Variants in TES observed in about 807,000 individuals in gnomAD.
TES encodes the protein testin.
Under a neutral mutation model 48.2 loss-of-function variants are expected in TES, and 41 were observed. The observed-to-expected ratio is 0.85, with a 90% CI of 0.66 to 1.10. The LOEUF is 1.10. Among genes scored for constraint, TES ranks in the 50% least tolerant of loss-of-function variants. The probability of loss-of-function intolerance (pLI) is 0.00; values close to 1 mark genes in which losing one functional copy is unlikely to be tolerated. For synonymous variants in TES, 162 were observed against 174.9 expected (o/e 0.93, Z 0.58); for missense variants, 463 against 515.1 (o/e 0.90, Z 0.98).
intron 1 of TES, among the ~76,000 whole-genome samples, chr7:116,229,669 T>C (rs1799672853): frequency 6.6e-6 from 1 of 152,172 alleles, no homozygotes; most frequent in African/African-American, 2.4e-5. Context: ...TGCATTTGAC[T>C]TATGAAGGGG....
intron 2 of TES, 70 bp downstream of exon 2, chr7:116,234,689 A>G (rs765029014): frequency 3.1e-6 from 4 of 1,300,198 alleles, no homozygotes; most frequent in Middle Eastern, 1.8e-4. Flanking sequence ...GACAGTGGAG[A>G]TATCTTCGAG....
intron 1 of TES, among the ~76,000 whole-genome samples, chr7:116,231,216 A>G (rs1799695910): frequency 6.6e-6 from 1 of 152,194 alleles, no homozygotes; most frequent in South Asian, 2.1e-4. Context: ...CTCTTACATG[A>G]GGGAGATGCC....
intron 1 of TES, among the ~76,000 whole-genome samples, chr7:116,232,464 T>C (rs910012603): frequency 3.9e-5 from 6 of 152,206 alleles, no homozygotes; most frequent in African/African-American, 1.4e-4. Context: ...TAGCAGGAGA[T>C]GCATGAACAT....
intron 1 of TES, among the ~76,000 whole-genome samples, chr7:116,230,145 T>C (rs1799678880): frequency 6.6e-6 from 1 of 152,182 alleles, no homozygotes; most frequent in Non-Finnish European, 1.5e-5. Flanking sequence ...GTGTTTGGTG[T>C]GTGTGTTTGT....
intron 1 of TES, among the ~76,000 whole-genome samples, chr7:116,220,021 C>A (rs1026844326): frequency 3.9e-5 from 6 of 151,980 alleles, no homozygotes; most frequent in Non-Finnish European, 5.9e-5. Context: ...ATGTGACTTC[C>A]GTGTTAAACG....
chr7:116,254,756 ATATGTGTGTG>A (rs1402967269), intron 6 of TES, among the ~76,000 whole-genome samples: 4,477 of 143,272 alleles, frequency 0.031, 232 homozygotes, highest in African/African-American at 0.11. Flanking sequence ...AAATATATAT[ATATGTGTGTG>A]TGTGTGTGTG....
intron 3 of TES, chr7:116,249,887 T>G: frequency 3.4e-6 from 1 of 291,426 alleles, no homozygotes. Context: ...CAATTGTACA[T>G]TTGTTTATTT....
At chr7:116,222,937 A>C in intron 1 of TES, 1 of 982,974 alleles carries the variant, frequency 1.0e-6, no homozygotes, top group Non-Finnish European at 1.2e-6. Flanking sequence ...TAATTGTGAC[A>C]TTTTTATAGC....
rs1289236949 is a variant in TES, at chr7:116,249,150, G to A, written c.244G>A (p.Asp82Asn). The A allele has an allele frequency of 6.2e-7, 1 of 1,614,076 alleles. No individual in the cohort carries two copies. Among genetic ancestry groups the A allele is most frequent in the Non-Finnish European group, 8.5e-7 (1 of 1,179,984 alleles). ...YTTLIAKLKS[D>N]GIPMYKRNVM... ...CACTCTGATTGCAAAACTAAAGTCA[G>A]ATGGAATTCCCATGTATAAACGCAA... The change falls in exon 3 of 7, where the codon GAT (aspartate) becomes AAT (asparagine). Residue 82 changes from aspartate to asparagine, a missense_variant. Asp to Asn is a conservative substitution (Grantham distance 23). Coordinates refer to ENST00000358204, the MANE Select transcript of TES (RefSeq NM_015641.4).
chr7:116,229,589 T>C (rs3807972), intron 1 of TES, among the ~76,000 whole-genome samples: 6,694 of 152,228 alleles, frequency 0.044, 223 homozygotes, highest in East Asian at 0.14. Context: ...GAAACTGTAC[T>C]TGGGGCAGTT....
At chr7:116,220,979 C>A (rs1234825443) in intron 1 of TES, among the ~76,000 whole-genome samples, 2 of 152,130 alleles carry the variant, frequency 1.3e-5, no homozygotes, top group Non-Finnish European at 2.9e-5. Flanking sequence ...CATAGATCTT[C>A]ATGCTATTTA....
At chr7:116,242,175 C>A (rs1293271603) in intron 2 of TES, among the ~76,000 whole-genome samples, 2 of 152,154 alleles carry the variant, frequency 1.3e-5, no homozygotes, top group African/African-American at 4.8e-5. Context: ...TAGCTCACAG[C>A]CATATAAGGA....
chr7:116,257,611 AT>A lies in TES; in HGVS notation c.*136del. Reference sequence around the variant, plus strand: ...AAAGGAAACCAAGAGATTTTGTTTAATTTTTTTGGCCATTTTTTCTTCATCA... The same window carrying A: ...AAAGGAAACCAAGAGATTTTGTTTAATTTTTTGGCCATTTTTTCTTCATCA... On this transcript the variant is annotated 3_prime_UTR_variant, in exon 7 of 7. Coordinates refer to ENST00000358204, the MANE Select transcript of TES (RefSeq NM_015641.4). The A allele has an allele frequency of 5.2e-6, 5 of 956,612 alleles. No individual in the cohort carries two copies. Among genetic ancestry groups the A allele is most frequent in the Non-Finnish European group, 5.6e-6 (4 of 716,098 alleles). 59.3% of individuals were successfully genotyped at this position (956,612 alleles called of 1,614,324 possible). A position where few individuals can be genotyped will look rare whatever the true frequency, so the allele number is the denominator to read the frequency against.
At chr7:116,228,574 C>T (rs892915129) in intron 1 of TES, among the ~76,000 whole-genome samples, 2 of 152,132 alleles carry the variant, frequency 1.3e-5, no homozygotes, top group South Asian at 2.1e-4. Flanking sequence ...AAAATAATTA[C>T]GTGCAACAGG....
At chr7:116,221,712 A>G (rs1799560196) in intron 1 of TES, among the ~76,000 whole-genome samples, 1 of 152,164 alleles carries the variant, frequency 6.6e-6, no homozygotes, top group Non-Finnish European at 1.5e-5. Flanking sequence ...CAATGTACTG[A>G]AACTGCTCTA....
At position 116,258,572 on chromosome 7, in the gene TES, A is replaced by G. The variant is rs1375873905; in HGVS notation, c.*1090A>G. The G allele has an allele frequency of 1.3e-5, 2 of 152,324 alleles. No homozygotes were observed. The highest frequency in any genetic ancestry group is 6.6e-5 in the Admixed American group (1 of 15,242). 9.4% of individuals were successfully genotyped at this position (152,324 alleles called of 1,614,324 possible). On this transcript the variant is annotated 3_prime_UTR_variant, in exon 7 of 7. Transcript: ENST00000358204. The stretch of plus-strand genomic sequence containing the variant: ...ATGATTTAGATAAGATTTTTTTTGC[A>G]TGGTTTTTATTCTTTCCTAATGGAT...
intron 2 of TES, among the ~76,000 whole-genome samples, chr7:116,241,353 GA>G (rs1258536164): frequency 6.6e-6 from 1 of 152,178 alleles, no homozygotes; most frequent in Non-Finnish European, 1.5e-5. Context: ...TTCCACAATA[GA>G]TAGCTCCTGG....
chr7:116,252,265 A>AT, intron 5 of TES, 53 bp from the exon 6 acceptor site: 2 of 1,536,238 alleles, frequency 1.3e-6, no homozygotes, highest in Non-Finnish European at 1.8e-6. Flanking sequence ...GTTGTTACAG[A>AT]TATAAATCTC....
At chr7:116,241,068 T>C (rs1799841743) in intron 2 of TES, among the ~76,000 whole-genome samples, 1 of 152,210 alleles carries the variant, frequency 6.6e-6, no homozygotes, top group African/African-American at 2.4e-5. Flanking sequence ...TAGGCTGAAA[T>C]TGAATATGTG....
Sources: allele counts gnomAD v4.1 joint callset (sites outside exome capture counted in the v4.1 genomes callset), GRCh38; gene constraint gnomAD v4.1.1; transcripts MANE v1.5; gene names NCBI Gene and HGNC (gene_info 2026-07-23, HGNC 2026-07-21).